The following DBN1 variants were observed in gnomAD, a reference collection of about 807,000 sequenced individuals.
DBN1 encodes drebrin.
DBN1 carries 21 observed loss-of-function variants against 83.5 expected under a neutral mutation model. The ratio of observed to expected loss-of-function variants is 0.25; its 90% CI spans 0.18 to 0.36. The LOEUF is 0.36. Among genes scored for constraint, DBN1 ranks in the 10% least tolerant of loss-of-function variants. The pLI is 1.00. For synonymous variants in DBN1, 381 were observed against 384.9 expected (o/e 0.99, Z 0.12); for missense variants, 874 against 935.7 (o/e 0.93, Z 0.86).
chr5:177,470,028 G>A (rs1262229187), intron 1 of DBN1, among the ~76,000 whole-genome samples: 2 of 152,206 alleles, frequency 1.3e-5, no homozygotes, highest in African/African-American at 2.4e-5. Flanking sequence ...GAAGTGAAGG[G>A]ACAAAGGAAA....
intron 8 of DBN1, among the ~76,000 whole-genome samples, chr5:177,463,738 A>AC (rs1403481591): frequency 2.0e-5 from 3 of 152,242 alleles, no homozygotes; most frequent in Non-Finnish European, 4.4e-5. Context: ...TTCAGACTTT[A>AC]CCTGAAATGT....
chr5:177,464,403 G>C (rs1757259332), intron 8 of DBN1, among the ~76,000 whole-genome samples: 1 of 151,432 alleles, frequency 6.6e-6, no homozygotes, highest in African/African-American at 2.4e-5. Context: ...CTGAGATTGT[G>C]CCATTGCACT....
chr5:177,464,891 ACG>A (rs758364658), intron 8 of DBN1, among the ~76,000 whole-genome samples: 27 of 152,172 alleles, frequency 1.8e-4, no homozygotes, highest in East Asian at 7.8e-4. Flanking sequence ...GCAGTGGCTC[ACG>A]CCTGTAATCC....
chr5:177,470,063 C>T (rs1044238187), intron 1 of DBN1, among the ~76,000 whole-genome samples: 1 of 152,220 alleles, frequency 6.6e-6, no homozygotes, highest in Non-Finnish European at 1.5e-5. Flanking sequence ...ATGGAGGGGA[C>T]GTCTCAGGAG....
rs949210201 is a variant in DBN1 at position 177,467,713 on chromosome 5, C to T, written c.330+30G>A. ...ACGCAGACCCTGGTGGCTGTCCCCA[C>T]CCCCAAGAGCGCTGGCCCCTGACAC... On this transcript the variant is annotated intron_variant, in intron 4 of 14. Coordinates refer to ENST00000393565, the MANE Select transcript of DBN1 (RefSeq NM_001363541.2). This position sits in a 1 kb window ranked among gnomAD's most constrained non-coding sequence, Gnocchi z 9.1. 1 of 1,552,340 alleles carries T rather than the reference C, an allele frequency of 6.4e-7. No homozygotes were observed. The highest frequency in any genetic ancestry group is 8.7e-7 in the Non-Finnish European group (1 of 1,147,728).
rs1756575059 is a variant in DBN1, at chr5:177,457,325, G to T, written c.*108C>A. On this transcript the variant is annotated 3_prime_UTR_variant, in exon 15 of 15. Coordinates refer to ENST00000393565, the MANE Select transcript of DBN1 (RefSeq NM_001363541.2). ...TCCCCAGCCAGGGCCGGAATCCGGA[G>T]TGGGTGCCAGGCGGAGCTGCTGCGA... 3.3e-6 allele frequency: 3 copies of T among 905,782 alleles called. No individual in the cohort carries two copies. In the Admixed American group the frequency reaches 5.4e-5, roughly 16 times the overall value. 56.1% of individuals were successfully genotyped at this position (905,782 alleles called of 1,614,324 possible).
At chr5:177,472,768 G>A (rs1561691771) in intron 1 of DBN1, 1 of 989,222 alleles carries the variant, frequency 1.0e-6, no homozygotes, top group Admixed American at 6.1e-5. Context: ...TAGGGGAGGA[G>A]AGCTCACCCC....
intron 1 of DBN1, chr5:177,472,428 G>A (rs1043959217): frequency 3.6e-6 from 5 of 1,385,338 alleles, no homozygotes; most frequent in Non-Finnish European, 3.7e-6. Context: ...GGGGGTTAAA[G>A]GATTCCAGGA....
At chr5:177,470,825 C>A (rs1296449119) in intron 1 of DBN1, among the ~76,000 whole-genome samples, 2 of 152,218 alleles carry the variant, frequency 1.3e-5, no homozygotes, top group East Asian at 3.8e-4. Context: ...ATCAGAGGCA[C>A]CCCGAGCCTG....
At position 177,467,483 on chromosome 5, in the gene DBN1, C is replaced by T. The variant is rs1757528778; in HGVS notation, c.475G>A (p.Val159Met). Residue 159 changes from valine to methionine, a missense_variant and splice_region_variant, in exon 5 of 15, where the codon GTG becomes ATG. Val to Met is a conservative substitution (Grantham distance 21). This residue lies in a region of DBN1 where 725 missense variants were observed against 719.7 expected (regional missense o/e 1.01). Coordinates refer to ENST00000393565, the MANE Select transcript of DBN1 (RefSeq NM_001363541.2). The surrounding 1 kb of genome is among the most constrained non-coding windows in gnomAD (Gnocchi z 9.1). ...RLREDENAEPVGTTYQKTDAA... is the reference protein window; with the variant it reads ...RLREDENAEPMGTTYQKTDAA... ...ACGGGTGCCAAACACACACTAACCA[C>T]GGGCTCTGCGTTCTCATCCTCTCGC... is the stretch of plus-strand genomic sequence containing the variant. The T allele has an allele frequency of 4.4e-6, 7 of 1,594,672 alleles. No individual in the cohort carries two copies. The highest frequency in any genetic ancestry group is 6.0e-6 in the Non-Finnish European group (7 of 1,169,666).
Position 177,467,216 on chromosome 5 carries a change from G to C in DBN1, c.555+39C>G, listed in dbSNP as rs1331979400. The C allele has an allele frequency of 1.2e-6, 2 of 1,612,568 alleles. No homozygotes were observed. Among genetic ancestry groups the C allele is most frequent in the African/African-American group, 2.7e-5 (2 of 74,868 alleles). On this transcript the variant is annotated intron_variant, in intron 6 of 14. Coordinates refer to ENST00000393565, the MANE Select transcript of DBN1 (RefSeq NM_001363541.2). The surrounding 1 kb of genome is among the most constrained non-coding windows in gnomAD (Gnocchi z 9.1). ...CTCAGACCTGCCCCATGGGGTCCAT[G>C]AGGGGTGGCTCAGCCAGGCCGGGCT...
chr5:177,467,280 C>T lies in DBN1; in HGVS notation c.530G>A (p.Arg177Gln), dbSNP rs776355246. The change falls in exon 6 of 15, where the codon CGA becomes CAA. Residue 177 changes from arginine (R) to glutamine (Q), a missense_variant. Arg to Gln is a conservative substitution (Grantham distance 43). Around this residue, in one of 4 missense-constraint regions of DBN1, gnomAD observed 725 missense variants for 719.7 expected, o/e 1.01. Coordinates refer to ENST00000393565, the MANE Select transcript of DBN1 (RefSeq NM_001363541.2). This position sits in a 1 kb window ranked among gnomAD's most constrained non-coding sequence, Gnocchi z 9.1. ...DAAVEMKRINREQFWEQAKKE... is the reference protein window; with the variant it reads ...DAAVEMKRINQEQFWEQAKKE... Reference sequence around the variant, plus strand: ...CTTGGCCTGCTCCCAGAACTGCTCTCGGTTAATCCGCTTCATTTCCACAGC... The same window carrying T: ...CTTGGCCTGCTCCCAGAACTGCTCTTGGTTAATCCGCTTCATTTCCACAGC... 1.9e-6 allele frequency: 3 copies of T among 1,614,038 alleles called. No homozygotes were observed. Among genetic ancestry groups the T allele is most frequent in the Non-Finnish European group, 8.5e-7 (1 of 1,180,014 alleles).
chr5:177,463,227 C>T (rs1490812984), intron 8 of DBN1, among the ~76,000 whole-genome samples: 14 of 152,156 alleles, frequency 9.2e-5, no homozygotes, highest in Admixed American at 6.5e-4. Context: ...TTAGTAGAGA[C>T]GGGGTTTCAC....
chr5:177,460,609 G>A (rs1335840922), intron 9 of DBN1, 35 bp downstream of exon 9: 3 of 1,614,024 alleles, frequency 1.9e-6, no homozygotes, highest in African/African-American at 2.7e-5. Flanking sequence ...AGATAGCCCT[G>A]TCTGCCTCAC....
chr5:177,473,581 G>A lies in DBN1; in HGVS notation c.-60C>T. 4 of 1,206,906 alleles carry A rather than the reference G, an allele frequency of 3.3e-6. No individual in the cohort carries two copies. Among genetic ancestry groups the A allele is most frequent in the Middle Eastern group, 2.5e-4 (1 of 4,022 alleles). The allele number at this position is 1,206,906 out of a possible 1,614,324, so 74.8% of individuals were successfully genotyped here. Reference sequence around the variant, plus strand: ...GCGGACGGACGGGCGGACGGAGGAGGAGGGAGGGAAAGAGGGAGTCGCCGC... The same window carrying A: ...GCGGACGGACGGGCGGACGGAGGAGAAGGGAGGGAAAGAGGGAGTCGCCGC... On this transcript the variant is annotated 5_prime_UTR_variant, in exon 1 of 15. Coordinates refer to ENST00000393565, the MANE Select transcript of DBN1 (RefSeq NM_001363541.2).
intron 2 of DBN1, 86 bp downstream of exon 2, chr5:177,468,758 G>A: frequency 1.2e-6 from 1 of 866,070 alleles, no homozygotes; most frequent in Non-Finnish European, 1.6e-6. Flanking sequence ...CAGGCAGGGA[G>A]GTGGCCTACA....
At position 177,466,949 on chromosome 5, in the gene DBN1, C is replaced by A. The variant is rs1482719041; in HGVS notation, c.669G>T (p.Arg223=). The A allele has an allele frequency of 1.2e-6, 2 of 1,612,732 alleles. No homozygotes were observed. The highest frequency in any genetic ancestry group is 1.3e-5 in the African/African-American group (1 of 75,048). Residue 223 remains arginine, a synonymous_variant, in exon 7 of 15, where the codon CGG becomes CGT. Coordinates refer to ENST00000393565, the MANE Select transcript of DBN1 (RefSeq NM_001363541.2). This position sits in a 1 kb window ranked among gnomAD's most constrained non-coding sequence, Gnocchi z 4.8. ...TCTGCTGCTCCCGCTCCCGGTAGCGCCGCTCGCGCTCCTCTTGCTCCTGCC... is the reference window on the plus strand; with the variant it reads ...TCTGCTGCTCCCGCTCCCGGTAGCGACGCTCGCGCTCCTCTTGCTCCTGCC... ...QERQEQEERE[R]RYREREQQIE... is the part of the protein sequence containing the mutation.
At position 177,466,773 on chromosome 5, in the gene DBN1, A is replaced by G; in HGVS notation, c.770T>C (p.Phe257Ser). 2 of 1,614,094 alleles carry G rather than the reference A, an allele frequency of 1.2e-6. No homozygotes were observed. The highest frequency in any genetic ancestry group is 1.7e-6 in the Non-Finnish European group (2 of 1,179,982). The change falls in exon 8 of 15, where the codon TTT (phenylalanine) becomes TCT (serine). Residue 257 changes from phenylalanine to serine, a missense_variant and splice_region_variant. Phe to Ser is a radical substitution (Grantham distance 155, BLOSUM62 -2). Coordinates refer to ENST00000393565, the MANE Select transcript of DBN1 (RefSeq NM_001363541.2). The surrounding 1 kb of genome is among the most constrained non-coding windows in gnomAD (Gnocchi z 4.8). ...AKRRLKEQSI[F>S]GDHRDEEEET... ...CGGGAGCCTTGGCAAAGAACTTACA[A>G]AGATAGACTGCTCCTTCAACCGCCT...
At position 177,473,442 on chromosome 5, in the gene DBN1, G is replaced by A; in HGVS notation, c.80C>T (p.Ala27Val). ...YEEVIREESA[A>V]DWALYTYEDG... ...GCGGGGGCGGGGGGCTCACCAGTCGGCCGCGCTCTCCTCTCGGATCACCTC... is the reference window on the plus strand; with the variant it reads ...GCGGGGGCGGGGGGCTCACCAGTCGACCGCGCTCTCCTCTCGGATCACCTC... Residue 27 changes from alanine (A) to valine (V), a missense_variant, in exon 1 of 15, where the codon GCC becomes GTC. Around this residue, in one of 4 missense-constraint regions of DBN1, gnomAD observed 82 missense variants for 101.7 expected, o/e 0.81. Coordinates refer to ENST00000393565, the MANE Select transcript of DBN1 (RefSeq NM_001363541.2). The A allele has an allele frequency of 7.0e-7, 1 of 1,423,058 alleles. No homozygotes were observed. The highest frequency in any genetic ancestry group is 1.4e-5 in the South Asian group (1 of 73,310). The allele number at this position is 1,423,058 out of a possible 1,614,324, so 88.2% of individuals were successfully genotyped here. A position where few individuals can be genotyped will look rare whatever the true frequency, so the allele number is the denominator to read the frequency against.
Sources: allele counts gnomAD v4.1 joint callset (sites outside exome capture counted in the v4.1 genomes callset), GRCh38; gene constraint gnomAD v4.1.1; regional missense constraint gnomAD v4.1.1; non-coding constraint Gnocchi (gnomAD v3.1); transcripts MANE v1.5; gene names NCBI Gene and HGNC (gene_info 2026-07-23, HGNC 2026-07-21).